The following CEP72 variants were observed in gnomAD, a reference collection of about 807,000 sequenced individuals.
CEP72 encodes the protein centrosomal protein 72.
In CEP72, 78 loss-of-function variants were observed where a neutral mutation model predicts 65.7. The observed-to-expected ratio is 1.19, with a 90% CI of 0.99 to 1.43. The LOEUF is 1.43. Ranked by LOEUF, CEP72 falls within the 40% of genes most tolerant of loss-of-function variation. The pLI, the probability that CEP72 is intolerant of heterozygous loss-of-function variation, is 0.00. For synonymous variants in CEP72, 358 were observed against 351.7 expected (o/e 1.02, Z -0.20); for missense variants, 914 against 832.9 (o/e 1.10, Z -1.20).
downstream of CEP72, among the ~76,000 whole-genome samples, chr5:670,297 G>A (rs142221868): frequency 2.9e-3 from 440 of 152,284 alleles, 1 homozygote; most frequent in African/African-American, 7.7e-3. Flanking sequence ...GGCGGGGGCC[G>A]GCGGGCGAGG....
chr5:642,997 G>A (rs775912715), intron 9 of CEP72: 287 of 985,366 alleles, frequency 2.9e-4, no homozygotes, highest in Non-Finnish European at 3.3e-4. Context: ...CAGATGGGCT[G>A]CGCCCAGCTT....
intron 10 of CEP72, among the ~76,000 whole-genome samples, chr5:647,525 C>T (rs1265335563): frequency 6.6e-6 from 1 of 152,172 alleles, no homozygotes. Flanking sequence ...GCCAGTGCCG[C>T]CTCTCCCTGC....
Position 612,457 on chromosome 5 carries a change from C to T in CEP72, c.82+14C>T. On this transcript the variant is annotated intron_variant, in intron 1 of 11. Coordinates refer to ENST00000264935, the MANE Select transcript of CEP72 (RefSeq NM_018140.4). ...ACCGCGACCTGGGTGCGCCGGAGGG[C>T]GGGCGGGGGTGCAAGCGTGAGGTGG... 2 of 977,884 alleles carry T rather than the reference C, an allele frequency of 2.0e-6. No homozygotes were observed. Among genetic ancestry groups the T allele is most frequent in the South Asian group, 1.7e-5 (1 of 57,962 alleles). The allele number at this position is 977,884 out of a possible 1,614,324, so 60.6% of individuals were successfully genotyped here.
intron 4 of CEP72, among the ~76,000 whole-genome samples, chr5:628,756 C>T (rs779569844): frequency 0.012 from 1,171 of 99,776 alleles, 8 homozygotes; most frequent in African/African-American, 0.048. Context: ...AGGTTGCAGT[C>T]CCCGGGGAGT....
Position 637,728 on chromosome 5 carries a change from C to T in CEP72, c.1116C>T (p.Ser372=), listed in dbSNP as rs1737708465. The change falls in exon 7 of 12, where the codon AGC becomes AGT. Residue 372 remains serine, a synonymous_variant. Coordinates refer to ENST00000264935, the MANE Select transcript of CEP72 (RefSeq NM_018140.4). ...VPKESLSRQD[S]SESRNGRTLS... Reference sequence around the variant, plus strand: ...AGGAGAGCCTGAGCAGACAGGACAGCTCAGAAAGCAGGAACGGGAGGACCT... The same window carrying T: ...AGGAGAGCCTGAGCAGACAGGACAGTTCAGAAAGCAGGAACGGGAGGACCT... 1.2e-6 allele frequency: 2 copies of T among 1,613,424 alleles called. No homozygotes were observed. Among genetic ancestry groups the T allele is most frequent in the Non-Finnish European group, 1.7e-6 (2 of 1,179,924 alleles).
At chr5:635,071 T>A (rs1389927683) in intron 5 of CEP72, among the ~76,000 whole-genome samples, 1 of 152,080 alleles carries the variant, frequency 6.6e-6, no homozygotes, top group Non-Finnish European at 1.5e-5. Context: ...AATTTTGTAT[T>A]GAGACTGTCT....
chr5:647,116 T>C (rs1367250687), intron 10 of CEP72, among the ~76,000 whole-genome samples: 2 of 152,192 alleles, frequency 1.3e-5, no homozygotes, highest in Non-Finnish European at 2.9e-5. Flanking sequence ...ACTGCTGCCT[T>C]GTGGGTGAGA....
chr5:668,014 C>T (rs57942070), downstream of CEP72, among the ~76,000 whole-genome samples: 2 of 36,650 alleles, frequency 5.5e-5, no homozygotes, highest in Non-Finnish European at 8.3e-5. Flanking sequence ...AGGGAAGTAC[C>T]GACAAGCACA....
intron 3 of CEP72, chr5:665,854 C>A (rs1580071898): frequency 1.9e-6 from 1 of 525,364 alleles, no homozygotes. Context: ...GGACCCCCCC[C>A]AGGTCACGCC....
chr5:623,335 G>A lies in CEP72; in HGVS notation c.404-1136G>A, dbSNP rs1255532729. 6.6e-6 allele frequency among the ~76,000 whole-genome samples: 1 copy of A among 152,256 alleles called. No individual in the cohort carries two copies. Among genetic ancestry groups the A allele is most frequent in the Non-Finnish European group, 1.5e-5 (1 of 68,042 alleles). ...CCGGGACGGCCTGCTGCCCTGCGTG[G>A]TGCCTCCTGGAGTGGGCTCGGTCCT... On this transcript the variant is annotated intron_variant, in intron 3 of 11. Transcript: ENST00000264935. This position sits in a 1 kb window ranked among gnomAD's most constrained non-coding sequence, Gnocchi z 5.3.
chr5:667,894 G>C (rs1388851188), downstream of CEP72, among the ~76,000 whole-genome samples: 3 of 81,986 alleles, frequency 3.7e-5, 1 homozygote, highest in Non-Finnish European at 6.7e-5. Context: ...AGAGGGGGCC[G>C]TGTGGGCGCC....
In CEP72 at chr5:647,887, G is replaced by A; in HGVS notation, c.1749G>A (p.Glu583=). The change falls in exon 11 of 12, where the codon GAG becomes GAA. Residue 583 remains glutamate, a synonymous_variant. Coordinates refer to ENST00000264935, the MANE Select transcript of CEP72 (RefSeq NM_018140.4). ...QHLEHYDKIQ[E]LTQMLQESHS... is the part of the protein sequence containing the mutation. The stretch of plus-strand genomic sequence containing the variant: ...TGGAGCACTACGACAAGATCCAGGA[G>A]CTCACGCAGATGCTGCAGGAGAGCC... 1 of 1,612,436 alleles carries A rather than the reference G, an allele frequency of 6.2e-7. No individual in the cohort carries two copies. The highest frequency in any genetic ancestry group is 1.1e-5 in the South Asian group (1 of 91,024).
chr5:666,988 G>A (rs935885317), exon 5 of CEP72: 3 of 152,196 alleles, frequency 2.0e-5, no homozygotes, highest in African/African-American at 7.2e-5. Flanking sequence ...GCGCGAGAAA[G>A]GCTGCACCCA....
chr5:651,179 TTACTGTGAGGCGTG>T (rs1157848602), intron 11 of CEP72, among the ~76,000 whole-genome samples: 2 of 66,998 alleles, frequency 3.0e-5, no homozygotes, highest in Non-Finnish European at 5.5e-5. Context: ...CTGTGAGGTG[TTACTGTGAGGCGTG>T]GACTGTGAGG....
chr5:628,190 T>C (rs989427605), intron 4 of CEP72, among the ~76,000 whole-genome samples: 10 of 152,246 alleles, frequency 6.6e-5, no homozygotes, highest in Admixed American at 2.0e-4. Flanking sequence ...CGTGAAAGCT[T>C]CAGTCATGGA....
At chr5:628,043 T>C (rs1188428648) in intron 4 of CEP72, among the ~76,000 whole-genome samples, 1 of 152,236 alleles carries the variant, frequency 6.6e-6, no homozygotes, top group Non-Finnish European at 1.5e-5. Context: ...GATTACTCTT[T>C]ATACCACACG....
Position 619,034 on chromosome 5 carries a change from A to T in CEP72, c.127A>T (p.Ile43Phe). The T allele has an allele frequency of 6.2e-7, 1 of 1,612,424 alleles. No individual in the cohort carries two copies. Among genetic ancestry groups the T allele is most frequent in the Non-Finnish European group, 8.5e-7 (1 of 1,178,396 alleles). Residue 43 changes from isoleucine to phenylalanine, a missense_variant, in exon 2 of 12, where the codon ATC (isoleucine) becomes TTC (phenylalanine). Ile to Phe is a conservative substitution (Grantham distance 21, BLOSUM62 0). Coordinates refer to ENST00000264935, the MANE Select transcript of CEP72 (RefSeq NM_018140.4). ...LSIPGTYQEK[I>F]THLGHSLMSL... ...TATTCCTGGAACTTACCAAGAGAAG[A>T]TCACCCACCTGGGACATTCTCTGAT...
At chr5:615,855 A>G (rs1389757799) in intron 1 of CEP72, among the ~76,000 whole-genome samples, 2 of 152,138 alleles carry the variant, frequency 1.3e-5, no homozygotes, top group Non-Finnish European at 2.9e-5. Context: ...AGTGGTGGCT[A>G]TACAAATTAC....
chr5:637,492 G>T (rs1427720838), intron 6 of CEP72, 25 bp from the exon 7 acceptor site: 2 of 1,593,848 alleles, frequency 1.3e-6, no homozygotes, highest in Non-Finnish European at 1.7e-6. Flanking sequence ...GGCCTGACGT[G>T]CGCCCCATCC....
Sources: gnomAD v4.1 joint callset for allele counts (sites outside exome capture counted in the v4.1 genomes callset) on GRCh38, gnomAD v4.1.1 for gene constraint, Gnocchi (gnomAD v3.1) non-coding constraint, MANE v1.5 for transcripts, NCBI Gene and HGNC (gene_info 2026-07-23, HGNC 2026-07-21) for gene names.